COL19A1: variants seen among roughly 807,000 people sequenced by gnomAD.
COL19A1 encodes collagen type XIX alpha 1 chain.
Under a neutral mutation model 190.2 loss-of-function variants are expected in COL19A1, and 159 were observed. The observed-to-expected ratio is 0.84, with a 90% confidence interval of 0.73 to 0.95. The LOEUF is 0.95. Ranked by LOEUF, COL19A1 falls within the 40% of genes least tolerant of loss-of-function variation. The pLI, the probability that COL19A1 is intolerant of heterozygous loss-of-function variation, is 0.00. For missense variants in COL19A1, 1,418 were observed against 1,431.9 expected (o/e 0.99, Z 0.16); for synonymous variants, 509 against 458.9 (o/e 1.11, Z -1.39).
chr6:69,997,666 T>A (rs1187054473), intron 11 of COL19A1, among the ~76,000 whole-genome samples: 1 of 152,024 alleles, frequency 6.6e-6, no homozygotes, highest in African/African-American at 2.4e-5. Flanking sequence ...AACTTAAATA[T>A]GGATAAATTG....
At chr6:70,173,758 C>T (rs540332809) in intron 41 of COL19A1, among the ~76,000 whole-genome samples, 6 of 152,190 alleles carry the variant, frequency 3.9e-5, no homozygotes, top group East Asian at 1.9e-4. Flanking sequence ...TTGCTGCAAA[C>T]GGTAGCGAAT....
intron 14 of COL19A1, among the ~76,000 whole-genome samples, chr6:70,039,929 ATTTT>A (rs35411164): frequency 5.5e-4 from 81 of 148,486 alleles, no homozygotes; most frequent in East Asian, 2.2e-3. Context: ...TGCCCAGCTA[ATTTT>A]TTTTTTTTTT....
chr6:69,960,883 G>T (rs961594842), intron 10 of COL19A1, among the ~76,000 whole-genome samples: 1 of 151,766 alleles, frequency 6.6e-6, no homozygotes, highest in Non-Finnish European at 1.5e-5. Flanking sequence ...CACCCGCCTC[G>T]GCCTCCCAAA....
chr6:70,131,932 C>G (rs989564714), intron 18 of COL19A1, among the ~76,000 whole-genome samples: 1 of 152,140 alleles, frequency 6.6e-6, no homozygotes, highest in African/African-American at 2.4e-5. Context: ...CTAATTGCTT[C>G]AGAATCTTAA....
At chr6:70,182,525 C>T (rs1184011543) in intron 44 of COL19A1, among the ~76,000 whole-genome samples, 1 of 152,122 alleles carries the variant, frequency 6.6e-6, no homozygotes, top group East Asian at 1.9e-4. Context: ...AGTGGAGTCA[C>T]TGTGGATAGG....
At chr6:69,896,251 A>C (rs1241300497) in intron 2 of COL19A1, among the ~76,000 whole-genome samples, 6 of 152,206 alleles carry the variant, frequency 3.9e-5, no homozygotes, top group African/African-American at 1.4e-4. Flanking sequence ...AAATACTGCC[A>C]AACAGGCCGG....
At chr6:70,038,122 A>G (rs901425993) in intron 14 of COL19A1, among the ~76,000 whole-genome samples, 1 of 152,248 alleles carries the variant, frequency 6.6e-6, no homozygotes, top group Admixed American at 6.5e-5. Flanking sequence ...GAAATAATTT[A>G]TAATAGTCTT....
chr6:69,942,740 ATGTGTGTGTGTG>A (rs35406948), intron 9 of COL19A1, among the ~76,000 whole-genome samples: 4 of 146,584 alleles, frequency 2.7e-5, no homozygotes, highest in African/African-American at 1.0e-4. Flanking sequence ...CATTGTGTGT[ATGTGTGTGTGTG>A]TGTGTGTGTG....
chr6:69,921,916 A>G (rs538679113), intron 4 of COL19A1, among the ~76,000 whole-genome samples: 2 of 152,186 alleles, frequency 1.3e-5, no homozygotes, highest in South Asian at 4.1e-4. Context: ...GTATCACTGA[A>G]TAAGCAATGG....
Position 70,190,303 on chromosome 6 carries a change from T to C in COL19A1, c.3028-12T>C. The stretch of plus-strand genomic sequence containing the variant: ...TGCTCTATTTTAACAACCTTTTTTT[T>C]TCCTTCTTCAGGCTGATGCAGTTTC... On this transcript the variant is annotated splice_polypyrimidine_tract_variant and intron_variant, in intron 47 of 50. Coordinates refer to ENST00000620364, the MANE Select transcript of COL19A1 (RefSeq NM_001858.6). 1 of 1,589,318 alleles carries C rather than the reference T, an allele frequency of 6.3e-7. No individual in the cohort carries two copies. The highest frequency in any genetic ancestry group is 1.1e-5 in the South Asian group (1 of 88,890).
chr6:69,925,372 G>A (rs1772297341), intron 4 of COL19A1, among the ~76,000 whole-genome samples: 1 of 152,080 alleles, frequency 6.6e-6, no homozygotes, highest in South Asian at 2.1e-4. Context: ...TTTTTGTCAG[G>A]TTTCTCAAAG....
At chr6:69,890,809 C>T (rs1309623862) in intron 2 of COL19A1, 1 of 153,552 alleles carries the variant, frequency 6.5e-6, no homozygotes, top group East Asian at 1.9e-4. Flanking sequence ...TCCAACCTCA[C>T]TGGGCAGGCT....
chr6:70,005,427 A>G (rs544928681), intron 11 of COL19A1, among the ~76,000 whole-genome samples: 1 of 152,026 alleles, frequency 6.6e-6, no homozygotes, highest in Admixed American at 6.5e-5. Context: ...TAGGGCTGCT[A>G]CGGTTTGCTC....
At chr6:70,176,686 T>G in intron 42 of COL19A1, 122 bp downstream of exon 42, 1 of 745,034 alleles carries the variant, frequency 1.3e-6, no homozygotes, top group Non-Finnish European at 2.0e-6. Flanking sequence ...ATTAGGTTCC[T>G]GACAATTCTA....
chr6:70,138,464 A>T (rs1786013453), intron 19 of COL19A1, among the ~76,000 whole-genome samples: 1 of 152,160 alleles, frequency 6.6e-6, no homozygotes. Context: ...AGTTTTCAAG[A>T]ATCAGTGAGA....
chr6:70,205,822 T>C (rs1012283812), intron 49 of COL19A1, among the ~76,000 whole-genome samples: 4 of 152,206 alleles, frequency 2.6e-5, no homozygotes, highest in African/African-American at 9.7e-5. Flanking sequence ...AATAATTTTG[T>C]TTTAAAATAT....
At position 70,207,186 on chromosome 6, in the gene COL19A1, A is replaced by AGGGCCCCCC; in HGVS notation, c.3342_3350dup (p.Pro1117_Pro1119dup). 1 of 1,613,278 alleles carries AGGGCCCCCC rather than the reference A, an allele frequency of 6.2e-7. No homozygotes were observed. Among genetic ancestry groups the AGGGCCCCCC allele is most frequent in the Non-Finnish European group, 8.5e-7 (1 of 1,179,414 alleles). ...GGCTCACCAGGTGCCCCAGGCCCAC[A>AGGGCCCCCC]GGGCCCCCCAGGACCCAGTGGAAGA... On this transcript the variant is annotated inframe_insertion, in exon 51 of 51. Transcript: ENST00000620364.
chr6:70,203,260 T>C (rs956992223), intron 49 of COL19A1, among the ~76,000 whole-genome samples: 20 of 152,258 alleles, frequency 1.3e-4, no homozygotes, highest in African/African-American at 4.6e-4. Flanking sequence ...GAAACTCACA[T>C]GTGGGGTCAG....
intron 15 of COL19A1, among the ~76,000 whole-genome samples, chr6:70,077,712 A>T (rs1405199571): frequency 6.6e-6 from 1 of 152,218 alleles, no homozygotes; most frequent in Non-Finnish European, 1.5e-5. Flanking sequence ...TATGTGAGAG[A>T]TGTTAACAAT....
Sources: allele counts gnomAD v4.1 joint callset (sites outside exome capture counted in the v4.1 genomes callset), GRCh38; gene constraint gnomAD v4.1.1; transcripts MANE v1.5; gene names NCBI Gene and HGNC (gene_info 2026-07-23, HGNC 2026-07-21).